The following TAF6 variants were observed in gnomAD, a reference collection of about 807,000 sequenced individuals.
TAF6 encodes TATA-box binding protein associated factor 6, also known as transcription initiation factor TFIID subunit 6.
In TAF6, 50 loss-of-function variants were observed where a neutral mutation model predicts 73.5. That is an observed-to-expected ratio of 0.68 (90% CI 0.54 to 0.86). TAF6 has a LOEUF of 0.86. Ranked by LOEUF, TAF6 falls within the 40% of genes least tolerant of loss-of-function variation. TAF6 has a pLI of 0.00. For missense variants in TAF6, 768 were observed against 899.5 expected (o/e 0.85, Z 1.87); for synonymous variants, 424 against 376.7 (o/e 1.13, Z -1.45).
At chr7:100,110,510 T>C (rs1295880132) in intron 10 of TAF6, among the ~76,000 whole-genome samples, 2 of 149,116 alleles carry the variant, frequency 1.3e-5, no homozygotes, top group Non-Finnish European at 3.0e-5. Context: ...CTACTAAAAA[T>C]ACAAAAATTA....
chr7:100,111,655 C>A (rs1219597437), intron 9 of TAF6, 73 bp downstream of exon 9: 2 of 1,504,208 alleles, frequency 1.3e-6, no homozygotes, highest in Non-Finnish European at 9.2e-7. Flanking sequence ...TGAGCCACTG[C>A]TGACCACTGA....
chr7:100,112,280 CAAAG>C (rs746886922), intron 6 of TAF6, 27 bp from the exon 7 acceptor site: 17 of 1,603,518 alleles, frequency 1.1e-5, no homozygotes, highest in Middle Eastern at 1.7e-4. Context: ...GTGGGTCTGA[CAAAG>C]AAAGCTCCAG....
chr7:100,113,030 C>A (rs566804729), intron 5 of TAF6, 113 bp from the exon 6 acceptor site: 1 of 1,437,324 alleles, frequency 7.0e-7, no homozygotes, highest in Non-Finnish European at 9.3e-7. Flanking sequence ...TTTGGGAGGC[C>A]AAGGCGGGTG....
intron 1 of TAF6, chr7:100,118,799 G>C: frequency 1.0e-6 from 1 of 963,838 alleles, no homozygotes; most frequent in Non-Finnish European, 1.2e-6. Flanking sequence ...AAAACAAATT[G>C]GTTCTTTTCA....
At position 100,111,941 on chromosome 7, in the gene TAF6, C is replaced by T; in HGVS notation, c.779G>A (p.Ser260Asn). ...TCTCACCCCCTCCGAGATAAAGGTA[C>T]TGAACCGTGGCAGCATCTGATACAG... Reference protein sequence around the residue: ...PGLYQMLPRFSTFISEGVRVN... With the variant: ...PGLYQMLPRFNTFISEGVRVN... Residue 260 changes from serine (S) to asparagine (N), a missense_variant, in exon 8 of 15, where the codon AGT (serine) becomes AAT (asparagine). Coordinates refer to ENST00000453269, the MANE Select transcript of TAF6 (RefSeq NM_139315.3). The T allele has an allele frequency of 6.2e-7, 1 of 1,614,124 alleles. No individual in the cohort carries two copies. Among genetic ancestry groups the T allele is most frequent in the Non-Finnish European group, 8.5e-7 (1 of 1,180,014 alleles).
At chr7:100,112,697 A>T in intron 6 of TAF6, 101 bp downstream of exon 6, 1 of 1,448,990 alleles carries the variant, frequency 6.9e-7, no homozygotes, top group Non-Finnish European at 9.2e-7. Flanking sequence ...CCTGGGTGAC[A>T]GAGTGAGACT....
chr7:100,122,919 A>C, upstream of TAF6: 1 of 1,607,254 alleles, frequency 6.2e-7, no homozygotes, highest in Non-Finnish European at 8.5e-7. Flanking sequence ...AGGATAAGAC[A>C]CTGCACCATC....
At chr7:100,109,860 T>C (rs1680751027) in intron 12 of TAF6, 88 bp downstream of exon 12, 2 of 1,553,094 alleles carry the variant, frequency 1.3e-6, no homozygotes, top group Admixed American at 1.9e-5. Flanking sequence ...GAGGCAAAGA[T>C]GGGAGTAAGT....
chr7:100,111,347 G>A (rs1380279057), intron 9 of TAF6, 26 bp from the exon 10 acceptor site: 1 of 1,600,684 alleles, frequency 6.2e-7, no homozygotes, highest in Non-Finnish European at 8.5e-7. Context: ...CGGGACAGCT[G>A]ATTCTGGTTT....
rs1056755436 is a variant in TAF6 at position 100,112,744 on chromosome 7, C to T, written c.574+54G>A. ...ACAAAAAAAAAGGAAACAAAACAAA[C>T]GGCCATGTGGCTTTGGGCAAGAGTC... On this transcript the variant is annotated intron_variant, in intron 6 of 14. Transcript: ENST00000453269. The T allele has an allele frequency of 3.0e-5, 46 of 1,530,996 alleles. 1 individual carries two copies. In the South Asian group the frequency reaches 4.4e-4, roughly 15 times the overall value. 94.8% of individuals were successfully genotyped at this position (1,530,996 alleles called of 1,614,324 possible).
chr7:100,113,614 A>T lies in TAF6; in HGVS notation c.397+2T>A. On this transcript the variant is annotated splice_donor_variant, in intron 4 of 14. Transcript: ENST00000453269. LOFTEE classifies it high-confidence loss of function. ...TGCCACCCTGCTCTCCCCTCCCCCA[A>T]CCTTTGAGGCAGACGTCCAGGGGCA... The T allele has an allele frequency of 6.2e-7, 1 of 1,613,536 alleles. No individual in the cohort carries two copies. Among genetic ancestry groups the T allele is most frequent in the Non-Finnish European group, 8.5e-7 (1 of 1,179,798 alleles).
upstream of TAF6, among the ~76,000 whole-genome samples, chr7:100,123,429 G>A (rs1026997042): frequency 5.3e-5 from 8 of 152,086 alleles, no homozygotes; most frequent in African/African-American, 1.4e-4. Flanking sequence ...AGCACTTAGT[G>A]AGTCTGAGGG....
chr7:100,123,626 T>C (rs1438147143), upstream of TAF6, among the ~76,000 whole-genome samples: 1 of 152,046 alleles, frequency 6.6e-6, no homozygotes, highest in East Asian at 2.0e-4. Flanking sequence ...GTTCAAGCCA[T>C]TCTCCTGCTT....
upstream of TAF6, among the ~76,000 whole-genome samples, chr7:100,121,774 G>T (rs1026736389): frequency 2.0e-5 from 3 of 151,606 alleles, no homozygotes; most frequent in African/African-American, 7.3e-5. Flanking sequence ...AAACCGGCCG[G>T]GCGTGGTGGC....
At chr7:100,114,622 AG>A in intron 1 of TAF6, 1 of 459,734 alleles carries the variant, frequency 2.2e-6, no homozygotes, top group Non-Finnish European at 3.9e-6. Context: ...AGGGAGACTA[AG>A]GCACGAGAAT....
upstream of TAF6, chr7:100,119,467 T>G: frequency 7.5e-7 from 1 of 1,333,354 alleles, no homozygotes; most frequent in Non-Finnish European, 9.6e-7. Context: ...TAAAAGTTTG[T>G]TTCTACATCT....
chr7:100,117,636 T>C (rs1351635407), intron 1 of TAF6, among the ~76,000 whole-genome samples: 1 of 151,966 alleles, frequency 6.6e-6, no homozygotes, highest in Non-Finnish European at 1.5e-5. Context: ...TCATAAATAT[T>C]TGTGAAGTAA....
intron 12 of TAF6, 106 bp from the exon 13 acceptor site, chr7:100,108,646 AAG>A (rs938643858): frequency 2.9e-5 from 38 of 1,305,836 alleles, no homozygotes; most frequent in Non-Finnish European, 4.0e-5. Context: ...TGGGGTAAAA[AAG>A]GACATTCCTT....
upstream of TAF6, chr7:100,119,823 G>A (rs1395898317): frequency 6.2e-7 from 1 of 1,614,034 alleles, no homozygotes; most frequent in Middle Eastern, 1.7e-4. Flanking sequence ...GTTGAAGGAG[G>A]AGGACGATGA....
Sources: gnomAD v4.1 joint callset for allele counts (sites outside exome capture counted in the v4.1 genomes callset) on GRCh38, gnomAD v4.1.1 for gene constraint, MANE v1.5 for transcripts, NCBI Gene and HGNC (gene_info 2026-07-23, HGNC 2026-07-21) for gene names.